Variants in MEIOSIN observed in about 807,000 individuals in gnomAD.
The protein encoded by MEIOSIN is meiosis initiator protein.
A neutral mutation model predicts 23.4 loss-of-function variants in MEIOSIN; 18 were observed. The observed-to-expected ratio is 0.77, with a 90% CI of 0.53 to 1.14. The LOEUF (loss-of-function observed/expected upper bound fraction) is 1.14. MEIOSIN is among the 50% of genes most tolerant of loss of function. The probability of loss-of-function intolerance (pLI) is 0.00; values close to 1 mark genes in which losing one functional copy is unlikely to be tolerated. For synonymous variants in MEIOSIN, 187 were observed against 100.6 expected (o/e 1.86, Z -5.14); for missense variants, 428 against 242.9 (o/e 1.76, Z -5.07).
intron 10 of MEIOSIN, 53 bp from the exon 11 acceptor site, chr19:45,759,361 C>T (rs1968896735): frequency 5.7e-6 from 4 of 700,780 alleles, no homozygotes; most frequent in Non-Finnish European, 7.8e-6. Flanking sequence ...TGAAGCTGGG[C>T]GGTGTGGGAG....
rs1038320728 is a variant in MEIOSIN, at chr19:45,750,766, C to A, written c.398C>A (p.Thr133Asn). 1 of 637,886 alleles carries A rather than the reference C, an allele frequency of 1.6e-6. No homozygotes were observed. Among genetic ancestry groups the A allele is most frequent in the Non-Finnish European group, 2.8e-6 (1 of 358,898 alleles). The allele number at this position is 637,886 out of a possible 1,614,324, so 39.5% of individuals were successfully genotyped here. Residue 133 changes from threonine (T) to asparagine (N), a missense_variant, in exon 5 of 15, where the codon ACT (threonine) becomes AAT (asparagine). Physicochemically the swap from Thr to Asn is moderately conservative, Grantham distance 65. Transcript: ENST00000457052. ...AKALFKCHIT[T>N]GEGGLAGLGQ... ...GCCTTGTTCAAATGCCACATCACCA[C>A]TGGGGAAGGTGGACTTGCGGGTAAG... is the stretch of plus-strand genomic sequence containing the variant.
intron 2 of MEIOSIN, among the ~76,000 whole-genome samples, chr19:45,738,479 A>G (rs1219186686): frequency 6.6e-6 from 1 of 152,202 alleles, no homozygotes; most frequent in African/African-American, 2.4e-5. Context: ...TTAGCCAGGC[A>G]TGGTGGTGTG....
At chr19:45,757,446 G>A (rs749477022) in intron 9 of MEIOSIN, among the ~76,000 whole-genome samples, 169 bp downstream of exon 9, 7 of 152,124 alleles carry the variant, frequency 4.6e-5, no homozygotes, top group Non-Finnish European at 8.8e-5. Context: ...CCGCTGCCAC[G>A]GAGGCTTGAC....
rs1312166252 is a variant in MEIOSIN, at chr19:45,754,659, AAGG to A, written c.742_744del (p.Gly248del). On this transcript the variant is annotated inframe_deletion, in exon 7 of 15. Transcript: ENST00000457052. ...TCATCCTCACCTCCAGGTGACAGAA[AAGG>A]AGGACAGTCCCAGCTGACGCTGTTG... 11 of 702,948 alleles carry A rather than the reference AAGG, an allele frequency of 1.6e-5. No individual in the cohort carries two copies. The highest frequency in any genetic ancestry group is 2.9e-5 in the Non-Finnish European group (11 of 385,034). 43.5% of individuals were successfully genotyped at this position (702,948 alleles called of 1,614,324 possible).
intron 2 of MEIOSIN, among the ~76,000 whole-genome samples, chr19:45,738,775 G>A (rs1420516413): frequency 6.6e-6 from 1 of 152,158 alleles, no homozygotes. Context: ...TGTGTGCTTT[G>A]TTTAGGTTCT....
At position 45,733,611 on chromosome 19, in the gene MEIOSIN, G is replaced by A. The variant is rs970593621; in HGVS notation, c.-56G>A. On this transcript the variant is annotated 5_prime_UTR_variant, in exon 1 of 15. Coordinates refer to ENST00000457052, the MANE Select transcript of MEIOSIN (RefSeq NM_001310124.2). This position sits in a 1 kb window ranked among gnomAD's most constrained non-coding sequence, Gnocchi z 5.7. ...TGTCTGATCGGGCTCCCTAGAGTGG[G>A]GCCCGGAGAAACCAGAACGGCGGGG... is the stretch of plus-strand genomic sequence containing the variant. 1.3e-5 allele frequency: 2 copies of A among 152,306 alleles called. No homozygotes were observed. The highest frequency in any genetic ancestry group is 2.4e-5 in the African/African-American group (1 of 41,474). The allele number at this position is 152,306 out of a possible 1,614,324, so 9.4% of individuals were successfully genotyped here.
At chr19:45,757,156 C>G (rs1278986459) in intron 8 of MEIOSIN, 21 bp from the exon 9 acceptor site, 1 of 702,598 alleles carries the variant, frequency 1.4e-6, no homozygotes. Context: ...GAGTCTGACT[C>G]TGAAACTCCA....
At chr19:45,735,264 CT>C in intron 1 of MEIOSIN, 112 bp from the exon 2 acceptor site, 3 of 627,450 alleles carry the variant, frequency 4.8e-6, no homozygotes, top group Non-Finnish European at 8.6e-6. Context: ...ATTTTGGGAT[CT>C]CTGGGTGCTC....
chr19:45,762,277 T>A, intron 13 of MEIOSIN, 94 bp downstream of exon 13: 3 of 399,016 alleles, frequency 7.5e-6, no homozygotes, highest in Non-Finnish European at 1.3e-5. Context: ...TGTCTGACAC[T>A]TTTTCCCCCT....
Position 45,762,615 on chromosome 19 carries a change from A to G in MEIOSIN, c.1679+432A>G, listed in dbSNP as rs548237301. Among the ~76,000 whole-genome samples, 4 of 151,622 alleles carry G rather than the reference A, an allele frequency of 2.6e-5. No homozygotes were observed. The East Asian group carries it at 5.8e-4, about 22-fold the overall frequency. ...AGGCGCGCCATCAGCTAATTTTTGTATTTTTAGTAGAGACAGGGTTTCACC... is the reference window on the plus strand; with the variant it reads ...AGGCGCGCCATCAGCTAATTTTTGTGTTTTTAGTAGAGACAGGGTTTCACC... On this transcript the variant is annotated intron_variant, in intron 13 of 14. Coordinates refer to ENST00000457052, the MANE Select transcript of MEIOSIN (RefSeq NM_001310124.2).
At chr19:45,753,017 G>A (rs938036073) in intron 5 of MEIOSIN, among the ~76,000 whole-genome samples, 6 of 147,228 alleles carry the variant, frequency 4.1e-5, no homozygotes, top group Non-Finnish European at 7.4e-5. Flanking sequence ...TCCACCCCCT[G>A]GGTTCAAGCG....
intron 4 of MEIOSIN, among the ~76,000 whole-genome samples, chr19:45,747,247 C>G (rs1968611561): frequency 6.6e-6 from 1 of 152,228 alleles, no homozygotes; most frequent in Non-Finnish European, 1.5e-5. Context: ...GGGTCCTGCT[C>G]CACAGACAAC....
chr19:45,761,708 T>C lies in MEIOSIN; in HGVS notation c.1275T>C (p.Pro425=). ...KDTASKAPKD[P]PESHSLHRSS... Reference sequence around the variant, plus strand: ...CAGCCTCCAAGGCCCCCAAAGACCCTCCTGAGTCCCACAGCCTGCACCGGT... The same window carrying C: ...CAGCCTCCAAGGCCCCCAAAGACCCCCCTGAGTCCCACAGCCTGCACCGGT... The change falls in exon 12 of 15, where the codon CCT becomes CCC. Residue 425 remains proline, a synonymous_variant. Transcript: ENST00000457052. 1 of 702,784 alleles carries C rather than the reference T, an allele frequency of 1.4e-6. No homozygotes were observed. The highest frequency in any genetic ancestry group is 2.6e-6 in the Non-Finnish European group (1 of 384,862). The allele number at this position is 702,784 out of a possible 1,614,324, so 43.5% of individuals were successfully genotyped here.
chr19:45,736,673 A>G (rs1001690728), intron 2 of MEIOSIN, among the ~76,000 whole-genome samples: 2 of 152,048 alleles, frequency 1.3e-5, no homozygotes, highest in South Asian at 4.1e-4. Context: ...GATTCACGCT[A>G]TTCTCCTGCC....
chr19:45,759,066 C>A, intron 10 of MEIOSIN, 33 bp downstream of exon 10: 1 of 702,852 alleles, frequency 1.4e-6, no homozygotes, highest in South Asian at 1.5e-5. Flanking sequence ...ATGCTTAGTT[C>A]ATTCGGGAAA....
intron 1 of MEIOSIN, among the ~76,000 whole-genome samples, chr19:45,735,010 C>T (rs1968387629): frequency 6.6e-6 from 1 of 152,070 alleles, no homozygotes; most frequent in South Asian, 2.1e-4. Flanking sequence ...TCTCCTGCCT[C>T]AGCCTCCCAA....
At chr19:45,741,846 A>G (rs1341676571) in intron 3 of MEIOSIN, among the ~76,000 whole-genome samples, 2 of 152,046 alleles carry the variant, frequency 1.3e-5, no homozygotes, top group Admixed American at 1.3e-4. Flanking sequence ...AATTTATTTT[A>G]AAGTTTATTT....
chr19:45,760,481 C>T (rs1968916838), intron 11 of MEIOSIN, among the ~76,000 whole-genome samples: 1 of 151,942 alleles, frequency 6.6e-6, no homozygotes, highest in South Asian at 2.1e-4. Context: ...TGGTACGTGC[C>T]TGTAATCCCA....
intron 4 of MEIOSIN, 139 bp downstream of exon 4, chr19:45,745,460 G>C (rs529485610): frequency 5.5e-5 from 32 of 580,084 alleles, no homozygotes; most frequent in African/African-American, 4.9e-4. Flanking sequence ...CTCTGAACGG[G>C]AATTTCCGGG....
Sources: allele counts gnomAD v4.1 joint callset (sites outside exome capture counted in the v4.1 genomes callset), GRCh38; gene constraint gnomAD v4.1.1; non-coding constraint Gnocchi (gnomAD v3.1); transcripts MANE v1.5; gene names NCBI Gene and HGNC (gene_info 2026-07-23, HGNC 2026-07-21).